TBC1D2B: variants seen among roughly 807,000 people sequenced by gnomAD.
The protein encoded by TBC1D2B is TBC1 domain family member 2B.
TBC1D2B carries 64 observed loss-of-function variants against 100.8 expected under a neutral mutation model. That is an observed-to-expected ratio of 0.64 (90% CI 0.52 to 0.78). The LOEUF (loss-of-function observed/expected upper bound fraction) is 0.78, where lower values mean the gene tolerates loss of function less well. TBC1D2B is among the 30% of genes least tolerant of loss of function. The pLI, the probability that TBC1D2B is intolerant of heterozygous loss-of-function variation, is 0.00. For missense variants in TBC1D2B, 1,052 were observed against 1,218.4 expected (o/e 0.86, Z 2.03); for synonymous variants, 480 against 479.7 (o/e 1.00, Z -0.01).
At chr15:78,031,018 C>T (rs920554377) in intron 3 of TBC1D2B, among the ~76,000 whole-genome samples, 3 of 152,170 alleles carry the variant, frequency 2.0e-5, no homozygotes, top group African/African-American at 7.2e-5. Flanking sequence ...ATGTACATTT[C>T]AGCCAAAGCT....
chr15:77,998,405 T>G (rs915873082), intron 12 of TBC1D2B, 50 bp from the exon 13 acceptor site: 1 of 1,496,858 alleles, frequency 6.7e-7, no homozygotes, highest in Non-Finnish European at 9.0e-7. Flanking sequence ...CTCCAGAGAG[T>G]GCTCACACAC....
chr15:78,073,589 A>G (rs1271354576), intron 1 of TBC1D2B, among the ~76,000 whole-genome samples: 1 of 152,220 alleles, frequency 6.6e-6, no homozygotes, highest in Non-Finnish European at 1.5e-5. Context: ...GAAAAGGAAG[A>G]TAAATTGGTA....
At position 78,054,123 on chromosome 15, in the gene TBC1D2B, C is replaced by G; in HGVS notation, c.425G>C (p.Cys142Ser). 1.2e-6 allele frequency: 2 copies of G among 1,613,892 alleles called. No individual in the cohort carries two copies. The highest frequency in any genetic ancestry group is 1.1e-5 in the South Asian group (1 of 91,078). The change falls in exon 2 of 13, where the codon TGT becomes TCT. Residue 142 changes from cysteine (C) to serine (S), a missense_variant. Cys to Ser is a moderately radical substitution (Grantham distance 112). This residue lies in a region of TBC1D2B where 627 missense variants were observed against 646.1 expected (regional missense o/e 0.97). Coordinates refer to ENST00000300584, the MANE Select transcript of TBC1D2B (RefSeq NM_144572.2). The part of the protein sequence containing the change: ...QELQQKRWEY[C>S]NSLDMVKWDS... Reference sequence around the variant, plus strand: ...CCACTTGACCATGTCAAGACTGTTACAATATTCCCATCTCTTCTGCTGAAG... The same window carrying G: ...CCACTTGACCATGTCAAGACTGTTAGAATATTCCCATCTCTTCTGCTGAAG...
chr15:78,075,449 C>G (rs914753539), intron 1 of TBC1D2B, among the ~76,000 whole-genome samples: 3 of 152,108 alleles, frequency 2.0e-5, no homozygotes, highest in African/African-American at 7.2e-5. Context: ...CCACCCGTCT[C>G]GGCCTCCCAA....
At chr15:78,008,590 T>G (rs1430171435) in intron 10 of TBC1D2B, among the ~76,000 whole-genome samples, 1 of 152,196 alleles carries the variant, frequency 6.6e-6, no homozygotes, top group East Asian at 1.9e-4. Flanking sequence ...CCACAGGGGC[T>G]TCCCCCCGCC....
rs1198371981 is a variant in TBC1D2B at position 78,013,099 on chromosome 15, T to C, written c.1994A>G (p.His665Arg). The change falls in exon 9 of 13, where the codon CAC becomes CGC. Residue 665 changes from histidine (H) to arginine (R), a missense_variant. His to Arg is a conservative substitution (Grantham distance 29). This residue lies in a region of TBC1D2B where 373 missense variants were observed against 464.9 expected (regional missense o/e 0.80). Transcript: ENST00000300584. Reference sequence around the variant, plus strand: ...CTTCCACACCTTGGAACGGTGCTCGTGGGGAATGCCCGCACGGATGAGGTT... The same window carrying C: ...CTTCCACACCTTGGAACGGTGCTCGCGGGGAATGCCCGCACGGATGAGGTT... ...LKNLIRAGIP[H>R]EHRSKVWKWC... 2 of 1,613,982 alleles carry C rather than the reference T, an allele frequency of 1.2e-6. No individual in the cohort carries two copies. The highest frequency in any genetic ancestry group is 1.7e-6 in the Non-Finnish European group (2 of 1,179,876).
In TBC1D2B at chr15:78,077,437, A is replaced by G. The variant is rs1030851355; in HGVS notation, c.216T>C (p.Ser72=). 3 of 1,544,286 alleles carry G rather than the reference A, an allele frequency of 1.9e-6. No homozygotes were observed. The highest frequency in any genetic ancestry group is 2.8e-5 in the African/African-American group (2 of 71,810). ...GGCCGAGGGGCAGCGCGTCCTGCGGACTCTTGAAATAGTAAAGGTAGCAGC... is the reference window on the plus strand; with the variant it reads ...GGCCGAGGGGCAGCGCGTCCTGCGGGCTCTTGAAATAGTAAAGGTAGCAGC... ...ARRCYLYYFK[S]PQDALPLGHL... Residue 72 remains serine (S), a synonymous_variant, in exon 1 of 13, where the codon AGT becomes AGC. Transcript: ENST00000300584.
rs1472792719 is a variant in TBC1D2B at position 78,013,218 on chromosome 15, G to A, written c.1875C>T (p.Leu625=). 3 of 1,613,988 alleles carry A rather than the reference G, an allele frequency of 1.9e-6. No homozygotes were observed. Among genetic ancestry groups the A allele is most frequent in the Non-Finnish European group, 2.5e-6 (3 of 1,179,896 alleles). ...CAGTGGAGACTTCCTGGTTTTCTGTGAGGTAGAGAGTCTTCAGATCCAACG... is the reference window on the plus strand; with the variant it reads ...CAGTGGAGACTTCCTGGTTTTCTGTAAGGTAGAGAGTCTTCAGATCCAACG... ...VRALDLKTLY[L]TENQEVSTGV... The change falls in exon 9 of 13, where the codon CTC becomes CTT. Residue 625 remains leucine (L), a synonymous_variant. Coordinates refer to ENST00000300584, the MANE Select transcript of TBC1D2B (RefSeq NM_144572.2).
In TBC1D2B at chr15:78,012,555, T is replaced by C. The variant is rs147030603; in HGVS notation, c.2270+268A>G. ...ACTTCTGATCAAAACCCGAGTGCGA[T>C]GAGAACAAACAGGAAAAAATGAGAC... is the stretch of plus-strand genomic sequence containing the variant. On this transcript the variant is annotated intron_variant, in intron 9 of 12. Coordinates refer to ENST00000300584, the MANE Select transcript of TBC1D2B (RefSeq NM_144572.2). Among the ~76,000 whole-genome samples the C allele has an allele frequency of 3.3e-3, 506 of 152,342 alleles. 4 individuals are homozygous for C. Among genetic ancestry groups the C allele is most frequent in the Middle Eastern group, 6.8e-3 (2 of 294 alleles).
chr15:78,011,611 G>A (rs1387842341), intron 9 of TBC1D2B, among the ~76,000 whole-genome samples: 4 of 144,652 alleles, frequency 2.8e-5, no homozygotes, highest in African/African-American at 1.0e-4. Flanking sequence ...GCTGGGATTA[G>A]AGGCACATGC....
At chr15:78,035,793 G>C (rs1353236056) in intron 3 of TBC1D2B, among the ~76,000 whole-genome samples, 3 of 152,230 alleles carry the variant, frequency 2.0e-5, no homozygotes, top group African/African-American at 7.2e-5. Flanking sequence ...CCATGGCTAG[G>C]AAACTGCTTA....
intron 1 of TBC1D2B, among the ~76,000 whole-genome samples, chr15:78,064,025 T>C (rs990993765): frequency 1.3e-5 from 2 of 152,088 alleles, no homozygotes; most frequent in African/African-American, 4.8e-5. Flanking sequence ...TGCTTAAAAC[T>C]CTCTCATGGC....
At chr15:78,039,235 C>T (rs1409358604) in intron 3 of TBC1D2B, among the ~76,000 whole-genome samples, 1 of 152,198 alleles carries the variant, frequency 6.6e-6, no homozygotes, top group Non-Finnish European at 1.5e-5. Flanking sequence ...GAAAAACTTC[C>T]CCTAATTCAC....
At chr15:78,036,656 C>T (rs1403556329) in intron 3 of TBC1D2B, among the ~76,000 whole-genome samples, 1 of 152,214 alleles carries the variant, frequency 6.6e-6, no homozygotes, top group African/African-American at 2.4e-5. Flanking sequence ...GTCCTGCCAA[C>T]ACCTTAACTT....
rs144494587 is a variant in TBC1D2B, at chr15:78,058,402, C to T, written c.361-4215G>A. 4.4e-3 allele frequency among the ~76,000 whole-genome samples: 673 copies of T among 152,322 alleles called. 2 individuals carry two copies. The highest frequency in any genetic ancestry group is 7.1e-3 in the Non-Finnish European group (481 of 68,020). On this transcript the variant is annotated intron_variant, in intron 1 of 12. Transcript: ENST00000300584. ...ACTTCTCTCTTTAAACAGGCGCCTC[C>T]ATATCTCCAACCACCCCATGGTCCA...
At chr15:78,043,092 C>A (rs1679743863) in intron 3 of TBC1D2B, among the ~76,000 whole-genome samples, 1 of 152,104 alleles carries the variant, frequency 6.6e-6, no homozygotes, top group African/African-American at 2.4e-5. Flanking sequence ...CCTATATATC[C>A]CACTCAGCTT....
intron 1 of TBC1D2B, among the ~76,000 whole-genome samples, chr15:78,062,379 C>T (rs1480911311): frequency 6.6e-6 from 1 of 152,204 alleles, no homozygotes; most frequent in Non-Finnish European, 1.5e-5. Flanking sequence ...TTTCACACCA[C>T]TATAGCTTTG....
intron 1 of TBC1D2B, among the ~76,000 whole-genome samples, chr15:78,059,014 C>A (rs2073485231): frequency 6.6e-6 from 1 of 151,394 alleles, no homozygotes; most frequent in Non-Finnish European, 1.5e-5. Flanking sequence ...GTTTCCCTGA[C>A]CTGGGTGTGC....
At chr15:78,025,543 TTGAGACG>T (rs1357629830) in intron 4 of TBC1D2B, 46 bp from the exon 5 acceptor site, 7 of 1,374,662 alleles carry the variant, frequency 5.1e-6, no homozygotes, top group Non-Finnish European at 5.8e-6. Context: ...ATTATTATTT[TTGAGACG>T]GAGTGTCGGT....
Sources: allele counts gnomAD v4.1 joint callset (sites outside exome capture counted in the v4.1 genomes callset), GRCh38; gene constraint gnomAD v4.1.1; regional missense constraint gnomAD v4.1.1; transcripts MANE v1.5; gene names NCBI Gene and HGNC (gene_info 2026-07-23, HGNC 2026-07-21).